The following GPC6 variants were observed in gnomAD, a reference collection of about 807,000 sequenced individuals.
GPC6 encodes glypican 6, also known as glypican-6.
In GPC6, 14 loss-of-function variants were observed where a neutral mutation model predicts 55.2. The ratio of observed to expected loss-of-function variants is 0.25; its 90% CI spans 0.17 to 0.40. The LOEUF (loss-of-function observed/expected upper bound fraction) is 0.40, where lower values mean the gene tolerates loss of function less well. GPC6 is among the 10% of genes least tolerant of loss of function. The probability of loss-of-function intolerance (pLI) is 1.00; values close to 1 mark genes in which losing one functional copy is unlikely to be tolerated. For missense variants in GPC6, 641 were observed against 708.5 expected, an observed-to-expected ratio of 0.90 and a Z score of 1.08; for synonymous variants, 278 against 259.6, an observed-to-expected ratio of 1.07 and a Z score of -0.68.
At chr13:94,288,287 G>T (rs935384322) in intron 5 of GPC6, among the ~76,000 whole-genome samples, 2 of 151,830 alleles carry the variant, frequency 1.3e-5, no homozygotes, top group Non-Finnish European at 2.9e-5. Flanking sequence ...TTTTTTCAAG[G>T]AACCTCAGTT....
At chr13:93,250,118 C>T (rs952620685) in intron 1 of GPC6, among the ~76,000 whole-genome samples, 10 of 152,148 alleles carry the variant, frequency 6.6e-5, no homozygotes, top group African/African-American at 2.4e-4. Context: ...TTGATTTTTC[C>T]ATCTGTAAAC....
intron 4 of GPC6, among the ~76,000 whole-genome samples, chr13:94,070,815 A>T (rs1884703190): frequency 6.6e-6 from 1 of 152,232 alleles, no homozygotes; most frequent in Admixed American, 6.5e-5. Context: ...GTGATTCTGC[A>T]GGAATTCTTT....
intron 6 of GPC6, among the ~76,000 whole-genome samples, chr13:94,339,088 G>T (rs1468143506): frequency 6.6e-6 from 1 of 151,590 alleles, no homozygotes; most frequent in Non-Finnish European, 1.5e-5. Flanking sequence ...TTTAAGAGAC[G>T]GGGTCTTGCT....
chr13:93,560,003 G>A (rs1875685850), intron 2 of GPC6, among the ~76,000 whole-genome samples: 1 of 152,092 alleles, frequency 6.6e-6, no homozygotes, highest in Non-Finnish European at 1.5e-5. Context: ...TGGATTTATT[G>A]CCAATGAGTA....
At chr13:93,344,149 C>G (rs1413894568) in intron 1 of GPC6, among the ~76,000 whole-genome samples, 1 of 152,154 alleles carries the variant, frequency 6.6e-6, no homozygotes, top group Non-Finnish European at 1.5e-5. Flanking sequence ...TACTTCCCAG[C>G]CCTAAAGGGA....
chr13:93,332,068 T>C (rs549663323), intron 1 of GPC6, among the ~76,000 whole-genome samples: 1 of 151,796 alleles, frequency 6.6e-6, no homozygotes, highest in Non-Finnish European at 1.5e-5. Flanking sequence ...TAATATCCCA[T>C]TGTGTATAGA....
At chr13:94,245,115 A>G (rs1374839836) in intron 4 of GPC6, among the ~76,000 whole-genome samples, 2 of 151,954 alleles carry the variant, frequency 1.3e-5, no homozygotes, top group Admixed American at 1.3e-4. Flanking sequence ...AGACCTTTTG[A>G]CTTGTTCATC....
chr13:93,219,485 A>C, the GPC6 span, among the ~76,000 whole-genome samples: 1 of 152,170 alleles, frequency 6.6e-6, no homozygotes, highest in African/African-American at 2.4e-5. Flanking sequence ...AGAAAAGCTA[A>C]CTGAAATGAT....
intron 1 of GPC6, among the ~76,000 whole-genome samples, chr13:93,401,936 G>A (rs2762100): frequency 0.11 from 16,362 of 151,926 alleles, 978 homozygotes; most frequent in South Asian, 0.12. Flanking sequence ...AGTGTCTACC[G>A]AGTGTCTGAT....
chr13:94,254,125 T>C (rs558811734), intron 4 of GPC6, among the ~76,000 whole-genome samples: 25 of 152,232 alleles, frequency 1.6e-4, no homozygotes, highest in African/African-American at 5.5e-4. Context: ...TTAATGGCCC[T>C]GGATTAAAAT....
At chr13:93,800,187 C>A (rs61962143) in intron 2 of GPC6, among the ~76,000 whole-genome samples, 3 of 152,248 alleles carry the variant, frequency 2.0e-5, no homozygotes, top group African/African-American at 7.2e-5. Flanking sequence ...GACAAAATAA[C>A]TTGAAGTGAG....
At chr13:93,832,122 A>AAATATATATATAT (rs1555334870) in intron 3 of GPC6, among the ~76,000 whole-genome samples, 1 of 12,048 alleles carries the variant, frequency 8.3e-5, no homozygotes, top group Non-Finnish European at 1.2e-4. Flanking sequence ...AAAAAAAAAA[A>AAATATATATATAT]ATATATATAT....
chr13:93,986,595 A>G (rs1157268089), intron 3 of GPC6, among the ~76,000 whole-genome samples: 1 of 152,212 alleles, frequency 6.6e-6, no homozygotes. Flanking sequence ...CATATCCATT[A>G]TCTACTTGCA....
intron 3 of GPC6, among the ~76,000 whole-genome samples, chr13:93,859,649 A>G (rs189072663): frequency 4.3e-4 from 65 of 151,472 alleles, no homozygotes; most frequent in African/African-American, 1.3e-3. Flanking sequence ...CCCTTTGTAC[A>G]TATCTTTTTT....
Position 93,788,236 on chromosome 13 carries a change from G to A in GPC6, c.320-41918G>A, listed in dbSNP as rs921738307. 5.9e-5 allele frequency among the ~76,000 whole-genome samples: 9 copies of A among 152,214 alleles called. 3 individuals are homozygous for A. Among genetic ancestry groups the A allele is most frequent in the Non-Finnish European group, 1.5e-5 (1 of 68,020 alleles). ...GCTTCCAATATGGTGCGTTGATACT[G>A]CATCTTCTGGAGGGTAAGAATGCTA... is the stretch of plus-strand genomic sequence containing the variant. On this transcript the variant is annotated intron_variant, in intron 2 of 8. Coordinates refer to ENST00000377047, the MANE Select transcript of GPC6 (RefSeq NM_005708.5).
chr13:93,618,209 A>G (rs1878805818), intron 2 of GPC6, among the ~76,000 whole-genome samples: 1 of 152,134 alleles, frequency 6.6e-6, no homozygotes, highest in Non-Finnish European at 1.5e-5. Flanking sequence ...TTTTATATAT[A>G]AGTACACATA....
At chr13:94,048,795 T>C (rs1310789178) in intron 4 of GPC6, among the ~76,000 whole-genome samples, 1 of 152,056 alleles carries the variant, frequency 6.6e-6, no homozygotes, top group African/African-American at 2.4e-5. Flanking sequence ...CTCACTGCTT[T>C]TTTGTATCAC....
chr13:93,462,202 A>G, intron 1 of GPC6, among the ~76,000 whole-genome samples: 1 of 152,184 alleles, frequency 6.6e-6, no homozygotes, highest in East Asian at 1.9e-4. Context: ...TTCAAAATAT[A>G]CTTTAAGAAA....
chr13:93,488,238 C>A (rs149465458), intron 1 of GPC6, among the ~76,000 whole-genome samples: 2 of 151,936 alleles, frequency 1.3e-5, no homozygotes, highest in African/African-American at 4.8e-5. Context: ...TTTGTCCTTG[C>A]GATAGTTTGC....
Sources: gnomAD v4.1 joint callset for allele counts (sites outside exome capture counted in the v4.1 genomes callset) on GRCh38, gnomAD v4.1.1 for gene constraint, MANE v1.5 for transcripts, NCBI Gene and HGNC (gene_info 2026-07-23, HGNC 2026-07-21) for gene names.